Variants in TCF7L1 observed in about 807,000 individuals in gnomAD.
TCF7L1 encodes transcription factor 7 like 1.
In TCF7L1, 18 loss-of-function variants were observed where a neutral mutation model predicts 63.7. That is an observed-to-expected ratio of 0.28 (90% CI 0.20 to 0.42). TCF7L1 has a LOEUF of 0.42. TCF7L1 is among the 10% of genes least tolerant of loss of function. The pLI, the probability that TCF7L1 is intolerant of heterozygous loss-of-function variation, is 1.00. For synonymous variants in TCF7L1, 355 were observed against 340.9 expected (o/e 1.04, Z -0.46); for missense variants, 654 against 779.3 (o/e 0.84, Z 1.91).
intron 3 of TCF7L1, among the ~76,000 whole-genome samples, chr2:85,177,853 T>G (rs1221899559): frequency 1.3e-5 from 2 of 152,204 alleles, no homozygotes; most frequent in Admixed American, 6.5e-5. Flanking sequence ...GGTACACAGT[T>G]TTTGGTGGTT....
At chr2:85,221,333 T>G (rs926576864) in intron 3 of TCF7L1, among the ~76,000 whole-genome samples, 3 of 152,188 alleles carry the variant, frequency 2.0e-5, no homozygotes, top group Admixed American at 2.0e-4. Flanking sequence ...AAAGTTTTTC[T>G]TTACAGAAGT....
chr2:85,283,415 A>G, intron 3 of TCF7L1, 80 bp from the exon 4 acceptor site: 4 of 1,524,738 alleles, frequency 2.6e-6, no homozygotes, highest in Non-Finnish European at 3.6e-6. Context: ...CCGGTGCCCT[A>G]ACAGCAGAGC....
chr2:85,308,152 G>T (rs913046176), intron 11 of TCF7L1, among the ~76,000 whole-genome samples: 4 of 151,976 alleles, frequency 2.6e-5, no homozygotes, highest in African/African-American at 9.7e-5. Flanking sequence ...TAGTTTGCTT[G>T]GGTTTAGGAG....
intron 3 of TCF7L1, among the ~76,000 whole-genome samples, chr2:85,185,906 A>T (rs1678910135): frequency 6.7e-6 from 1 of 150,268 alleles, no homozygotes; most frequent in Admixed American, 6.6e-5. Flanking sequence ...AGATCCTCGG[A>T]GCAGCCTGCC....
At chr2:85,247,206 T>C (rs927069529) in intron 3 of TCF7L1, among the ~76,000 whole-genome samples, 1 of 152,210 alleles carries the variant, frequency 6.6e-6, no homozygotes, top group African/African-American at 2.4e-5. Flanking sequence ...ATATCCAAAT[T>C]AGCACACTAC....
rs773757196 is a variant in TCF7L1, at chr2:85,306,038, C to T, written c.990-168C>T. On this transcript the variant is annotated intron_variant, in intron 8 of 11. Coordinates refer to ENST00000282111, the MANE Select transcript of TCF7L1 (RefSeq NM_031283.3). This position sits in a 1 kb window ranked among gnomAD's most constrained non-coding sequence, Gnocchi z 4.3. The stretch of plus-strand genomic sequence containing the variant: ...GAGATCGTTCAAAGGTGGGAAACTA[C>T]GGGAGGAAGGTACTCAGGTGTTGAG... 2.6e-5 allele frequency among the ~76,000 whole-genome samples: 4 copies of T among 152,032 alleles called. No homozygotes were observed. The highest frequency in any genetic ancestry group is 4.8e-5 in the African/African-American group (2 of 41,382).
chr2:85,263,352 G>A (rs530765943), intron 3 of TCF7L1, among the ~76,000 whole-genome samples: 19 of 151,970 alleles, frequency 1.3e-4, no homozygotes, highest in Non-Finnish European at 2.2e-4. Flanking sequence ...AGGAAGGGTG[G>A]GCTGGCCTGG....
rs192003060 is a variant in TCF7L1, at chr2:85,230,902, G to A, written c.442-52593G>A. 2.6e-5 allele frequency among the ~76,000 whole-genome samples: 4 copies of A among 152,286 alleles called. No homozygotes were observed. In the East Asian group the frequency reaches 7.7e-4, roughly 29 times the overall value. ...GGTGGATATCGCCTTTTAATTTGCT[G>A]TTAGTTTTCCATAAAGGAACAAATG... On this transcript the variant is annotated intron_variant, in intron 3 of 11. Coordinates refer to ENST00000282111, the MANE Select transcript of TCF7L1 (RefSeq NM_031283.3).
At chr2:85,142,462 GTGT>G (rs1677763918) in intron 3 of TCF7L1, among the ~76,000 whole-genome samples, 3 of 103,448 alleles carry the variant, frequency 2.9e-5, no homozygotes, top group Non-Finnish European at 6.1e-5. Flanking sequence ...GTGTGTGTGT[GTGT>G]TGTGTGTATA....
chr2:85,240,120 G>A (rs146260116), intron 3 of TCF7L1, among the ~76,000 whole-genome samples: 70 of 152,304 alleles, frequency 4.6e-4, no homozygotes, highest in African/African-American at 1.2e-3. Flanking sequence ...TGAGTGTTCC[G>A]TGTGTGTTTC....
At chr2:85,225,846 T>C (rs1679943434) in intron 3 of TCF7L1, among the ~76,000 whole-genome samples, 1 of 152,220 alleles carries the variant, frequency 6.6e-6, no homozygotes, top group South Asian at 2.1e-4. Context: ...GGCATCCCTG[T>C]CTTGTGCCGG....
chr2:85,153,866 T>G (rs1386662424), intron 3 of TCF7L1, among the ~76,000 whole-genome samples: 1 of 152,256 alleles, frequency 6.6e-6, no homozygotes, highest in Non-Finnish European at 1.5e-5. Flanking sequence ...CCCTCTTTTT[T>G]ATGCACAGTA....
chr2:85,140,109 A>G (rs1677688917), intron 3 of TCF7L1, among the ~76,000 whole-genome samples: 1 of 152,196 alleles, frequency 6.6e-6, no homozygotes, highest in Non-Finnish European at 1.5e-5. Flanking sequence ...TACCAGATCC[A>G]GAAAGTGGCT....
chr2:85,246,763 A>T (rs1680474839), intron 3 of TCF7L1, among the ~76,000 whole-genome samples: 1 of 142,938 alleles, frequency 7.0e-6, no homozygotes, highest in East Asian at 2.0e-4. Context: ...TTCTCTCAAG[A>T]TATTTTTTTC....
chr2:85,196,540 T>C (rs1679162904), intron 3 of TCF7L1, among the ~76,000 whole-genome samples: 1 of 151,408 alleles, frequency 6.6e-6, no homozygotes. Flanking sequence ...CAGGACTATT[T>C]TTTTTTTTTT....
chr2:85,263,643 G>A lies in TCF7L1; in HGVS notation c.442-19852G>A, dbSNP rs183187060. Among the ~76,000 whole-genome samples the A allele has an allele frequency of 3.1e-3, 471 of 152,334 alleles. 4 individuals carry two copies. The highest frequency in any genetic ancestry group is 6.5e-3 in the Admixed American group (99 of 15,296). The stretch of plus-strand genomic sequence containing the variant: ...AAGGAGCCTTGGTTGATAGGATGTA[G>A]GAAACAGGATCAGGGCTGGATTTTG... On this transcript the variant is annotated intron_variant, in intron 3 of 11. Transcript: ENST00000282111.
intron 3 of TCF7L1, among the ~76,000 whole-genome samples, chr2:85,219,738 A>G (rs976077447): frequency 5.9e-5 from 9 of 152,190 alleles, no homozygotes; most frequent in African/African-American, 2.2e-4. Context: ...AAGAAAAAAT[A>G]AGGGGCTAAA....
At chr2:85,279,715 C>A (rs1340297685) in intron 3 of TCF7L1, among the ~76,000 whole-genome samples, 1 of 152,176 alleles carries the variant, frequency 6.6e-6, no homozygotes, top group African/African-American at 2.4e-5. Flanking sequence ...AAGGGAAAGT[C>A]ACGATCCTCC....
chr2:85,281,099 C>T (rs190634226), intron 3 of TCF7L1, among the ~76,000 whole-genome samples: 1 of 149,050 alleles, frequency 6.7e-6, no homozygotes, highest in African/African-American at 2.5e-5. Context: ...TCTCGGTTCA[C>T]TGCAACCTCC....
Sources: gnomAD v4.1 joint callset for allele counts (sites outside exome capture counted in the v4.1 genomes callset) on GRCh38, gnomAD v4.1.1 for gene constraint, Gnocchi (gnomAD v3.1) non-coding constraint, MANE v1.5 for transcripts, NCBI Gene and HGNC (gene_info 2026-07-23, HGNC 2026-07-21) for gene names.